POPDC1: variants seen among roughly 807,000 people sequenced by gnomAD.
The protein encoded by POPDC1 is popeye domain cAMP effector 1.
the POPDC1 span, among the ~76,000 whole-genome samples, chr6:105,102,290 G>C: frequency 2.0e-5 from 3 of 152,204 alleles, no homozygotes; most frequent in African/African-American, 7.2e-5. Context: ...TCTGCTACAA[G>C]ATGACCACAG....
At chr6:105,112,224 A>G in the POPDC1 span, among the ~76,000 whole-genome samples, 4 of 152,202 alleles carry the variant, frequency 2.6e-5, no homozygotes, top group Non-Finnish European at 4.4e-5. Context: ...AAACCAAAAC[A>G]AAAACATATG....
At chr6:105,132,753 G>A in the POPDC1 span, among the ~76,000 whole-genome samples, 1 of 152,238 alleles carries the variant, frequency 6.6e-6, no homozygotes, top group South Asian at 2.1e-4. Context: ...GCTTCATCAG[G>A]GTTACTGGGA....
the POPDC1 span, among the ~76,000 whole-genome samples, chr6:105,112,347 T>C: frequency 6.6e-6 from 1 of 152,182 alleles, no homozygotes; most frequent in African/African-American, 2.4e-5. Flanking sequence ...CGAAAAATAA[T>C]TATAAATATT....
chr6:105,126,800 C>T, the POPDC1 span, among the ~76,000 whole-genome samples: 1 of 152,170 alleles, frequency 6.6e-6, no homozygotes, highest in Non-Finnish European at 1.5e-5. Context: ...CAGCTGCAAT[C>T]ACTGCTTCAC....
the POPDC1 span, among the ~76,000 whole-genome samples, chr6:105,126,952 A>C: frequency 6.6e-6 from 1 of 152,246 alleles, no homozygotes; most frequent in Non-Finnish European, 1.5e-5. Context: ...GAGGAAGAGA[A>C]AAACAAAATG....
chr6:105,105,975 T>G, the POPDC1 span, among the ~76,000 whole-genome samples: 2 of 152,200 alleles, frequency 1.3e-5, no homozygotes, highest in Admixed American at 1.3e-4. Flanking sequence ...ATCCATAAAT[T>G]TCCCAGAAAA....
chr6:105,124,538 A>C, the POPDC1 span: 1 of 1,566,992 alleles, frequency 6.4e-7, no homozygotes, highest in Admixed American at 1.7e-5. Flanking sequence ...AAATCATGTG[A>C]AAACATACCT....
At chr6:105,106,720 G>A in the POPDC1 span, among the ~76,000 whole-genome samples, 1 of 152,162 alleles carries the variant, frequency 6.6e-6, no homozygotes, top group South Asian at 2.1e-4. Flanking sequence ...CTCCATGGAG[G>A]GCGGGCTTGG....
the POPDC1 span, among the ~76,000 whole-genome samples, chr6:105,122,738 G>A: frequency 1.3e-5 from 2 of 152,200 alleles, no homozygotes; most frequent in African/African-American, 2.4e-5. Flanking sequence ...GGCCCTGCAC[G>A]TTTGTAGATC....
At chr6:105,129,427 C>T in the POPDC1 span, 1 of 1,612,652 alleles carries the variant, frequency 6.2e-7, no homozygotes, top group Non-Finnish European at 8.5e-7. Context: ...TGTTGACACC[C>T]AAGAACACAG....
the POPDC1 span, chr6:105,133,301 T>A: frequency 4.1e-6 from 6 of 1,450,684 alleles, no homozygotes; most frequent in Admixed American, 3.8e-5. Flanking sequence ...GTAAAGCCCA[T>A]CTTATGTCAG....
chr6:105,125,011 G>C, the POPDC1 span, among the ~76,000 whole-genome samples: 3,178 of 152,162 alleles, frequency 0.021, 107 homozygotes, highest in African/African-American at 0.069. Flanking sequence ...CTCCCCAAAA[G>C]GCTGATATTC....
At chr6:105,109,063 G>A in the POPDC1 span, among the ~76,000 whole-genome samples, 16 of 152,132 alleles carry the variant, frequency 1.1e-4, 1 homozygote, top group African/African-American at 3.6e-4. Flanking sequence ...TCGGGCTCAG[G>A]TGTCCTCAGC....
chr6:105,126,111 A>G, the POPDC1 span, among the ~76,000 whole-genome samples: 2 of 151,926 alleles, frequency 1.3e-5, no homozygotes, highest in Non-Finnish European at 2.9e-5. Flanking sequence ...CTGTAATCTC[A>G]GCTACTCAGG....
chr6:105,121,221 A>AAAC, the POPDC1 span, among the ~76,000 whole-genome samples: 1 of 152,148 alleles, frequency 6.6e-6, no homozygotes, highest in Non-Finnish European at 1.5e-5. Flanking sequence ...ACTTAATATA[A>AAAC]AACATCTACA....
the POPDC1 span, among the ~76,000 whole-genome samples, chr6:105,101,592 A>C: frequency 6.6e-6 from 1 of 152,330 alleles, no homozygotes; most frequent in South Asian, 2.1e-4. Context: ...AAGTTGATTT[A>C]ACTCCTAATT....
At chr6:105,114,635 CAA>C in the POPDC1 span, among the ~76,000 whole-genome samples, 31 of 152,184 alleles carry the variant, frequency 2.0e-4, no homozygotes, top group Non-Finnish European at 3.4e-4. Context: ...TGAATTTGTT[CAA>C]AGTTTTTATA....
the POPDC1 span, chr6:105,100,795 G>A: frequency 5.1e-6 from 1 of 196,668 alleles, no homozygotes; most frequent in African/African-American, 2.3e-5. Flanking sequence ...AGATTGCTAA[G>A]ATTTGTTAAG....
the POPDC1 span, among the ~76,000 whole-genome samples, chr6:105,120,245 G>A: frequency 1.8e-3 from 1 of 542 alleles, no homozygotes; most frequent in African/African-American, 2.4e-3. Context: ...GCGACAGAGC[G>A]AGACTCCGTC....
Sources: allele counts gnomAD v4.1 joint callset (sites outside exome capture counted in the v4.1 genomes callset), GRCh38; gene constraint gnomAD v4.1.1; transcripts MANE v1.5; gene names NCBI Gene and HGNC (gene_info 2026-07-23, HGNC 2026-07-21).